Variants in ATP1B4 observed in about 807,000 individuals in gnomAD.
The protein encoded by ATP1B4 is protein ATP1B4.
A neutral mutation model predicts 29.6 loss-of-function variants in ATP1B4; 32 were observed. The ratio of observed to expected loss-of-function variants is 1.08; its 90% CI spans 0.82 to 1.45. The LOEUF is 1.45. ATP1B4 is among the 40% of genes most tolerant of loss of function. The pLI, the probability that ATP1B4 is intolerant of heterozygous loss-of-function variation, is 0.00. For synonymous variants in ATP1B4, 127 were observed against 102.1 expected (o/e 1.24, Z -1.47); for missense variants, 323 against 276.2 (o/e 1.17, Z -1.20).
intron 1 of ATP1B4, among the ~76,000 whole-genome samples, chrX:120,363,836 C>T (rs749497695): frequency 1.8e-5 from 2 of 112,103 alleles, no homozygotes; most frequent in South Asian, 7.4e-4. Flanking sequence ...TAGGGATAAG[C>T]ATTCTCATTA....
Position 120,375,437 on chromosome X carries a change from G to T in ATP1B4, c.628G>T (p.Asp210Tyr). 8.3e-7 allele frequency: 1 copy of T among 1,210,741 alleles called. No individual in the cohort carries two copies. Among genetic ancestry groups the T allele is most frequent in the Non-Finnish European group, 1.1e-6 (1 of 894,663 alleles). Reference protein sequence around the residue: ...DCPPGQYFIQDGNEDEDKKAC... With the variant: ...DCPPGQYFIQYGNEDEDKKAC... ...TCCCCCGGGGCAGTACTTCATCCAA[G>T]ATGGCAATGAGGATGAGGACAAGAA... is the stretch of plus-strand genomic sequence containing the variant. The change falls in exon 5 of 8, where the codon GAT (aspartate) becomes TAT (tyrosine). Residue 210 changes from aspartate (D) to tyrosine (Y), a missense_variant. Transcript: ENST00000218008.
intron 2 of ATP1B4, among the ~76,000 whole-genome samples, chrX:120,368,362 C>T (rs1602502209): frequency 8.9e-6 from 1 of 112,037 alleles, no homozygotes; most frequent in South Asian, 3.7e-4. Flanking sequence ...AAGGTGCCCG[C>T]TTGTGCACTT....
chrX:120,375,777 C>A (rs5910849), intron 5 of ATP1B4, among the ~76,000 whole-genome samples: 40,008 of 106,711 alleles, frequency 0.37, 6,492 homozygotes, highest in Middle Eastern at 0.52. Context: ...TCTCCCTCAC[C>A]CCCAAACCTG....
intron 4 of ATP1B4, among the ~76,000 whole-genome samples, chrX:120,375,168 C>G (rs1406473322): frequency 9.1e-6 from 1 of 109,924 alleles, no homozygotes; most frequent in Non-Finnish European, 1.9e-5. Flanking sequence ...GCTGAAGTGA[C>G]TAGTCAGGAA....
rs376194320 is a variant in ATP1B4 at position 120,366,533 on chromosome X, G to A, written c.72G>A (p.Pro24=). The A allele has an allele frequency of 4.6e-5, 56 of 1,205,278 alleles. No individual in the cohort carries two copies. Among genetic ancestry groups the A allele is most frequent in the African/African-American group, 2.6e-4 (15 of 56,616 alleles). ...TTTTGTCACTGTTCCAGGATGATCC[G>A]GATGAAGCGAACCAGAACTACTTAG... is the stretch of plus-strand genomic sequence containing the variant. ...PYSYRYRLDD[P]DEANQNYLAD... Residue 24 remains proline, a synonymous_variant, in exon 2 of 8, where the codon CCG becomes CCA. Coordinates refer to ENST00000218008, the MANE Select transcript of ATP1B4 (RefSeq NM_001142447.3).
intron 6 of ATP1B4, 45 bp downstream of exon 6, chrX:120,376,481 T>G (rs778880390): frequency 1.8e-6 from 2 of 1,100,898 alleles, no homozygotes; most frequent in South Asian, 1.9e-5. Context: ...ATCTGTTTCA[T>G]GCAAAAAGGT....
chrX:120,375,607 G>C, intron 5 of ATP1B4, 39 bp downstream of exon 5: 1 of 1,113,622 alleles, frequency 9.0e-7, no homozygotes, highest in Non-Finnish European at 1.2e-6. Flanking sequence ...ATAAGCGAAT[G>C]AACTAGATAG....
intron 1 of ATP1B4, among the ~76,000 whole-genome samples, chrX:120,364,695 G>T (rs1157221731): frequency 8.9e-6 from 1 of 112,093 alleles, no homozygotes; most frequent in East Asian, 2.8e-4. Context: ...AGCCATCCTT[G>T]ATTATAATAA....
chrX:120,368,670 G>A (rs2058298141), intron 2 of ATP1B4, among the ~76,000 whole-genome samples: 1 of 111,824 alleles, frequency 8.9e-6, no homozygotes, highest in Non-Finnish European at 1.9e-5. Context: ...TCTTTTGCCA[G>A]AACACTGCCC....
chrX:120,374,874 A>G (rs780372706), intron 4 of ATP1B4, among the ~76,000 whole-genome samples: 227 of 86,113 alleles, frequency 2.6e-3, no homozygotes, highest in Non-Finnish European at 4.1e-3. Flanking sequence ...AAGGGTATAT[A>G]TAAGGGTATA....
At chrX:120,371,348 C>T (rs1210333435) in intron 4 of ATP1B4, 138 bp downstream of exon 4, 2 of 473,395 alleles carry the variant, frequency 4.2e-6, no homozygotes, top group East Asian at 3.7e-5. Context: ...CTTTGCATCC[C>T]CCTTAGCACC....
chrX:120,366,285 A>T (rs142142532), intron 1 of ATP1B4, among the ~76,000 whole-genome samples: 2 of 111,863 alleles, frequency 1.8e-5, no homozygotes, highest in East Asian at 5.6e-4. Flanking sequence ...GAAGCTGAGA[A>T]TAAAACTTGC....
At chrX:120,376,343 G>C (rs760038707) in intron 5 of ATP1B4, 37 bp from the exon 6 acceptor site, 3 of 1,186,250 alleles carry the variant, frequency 2.5e-6, no homozygotes, top group Admixed American at 2.2e-5. Context: ...AATATGTTTT[G>C]TTAAAAAAAA....
At position 120,366,802 on chromosome X, in the gene ATP1B4, A is replaced by C; in HGVS notation, c.328+13A>C. ...GGTCAGAGTTGGAGTAAGTCCCAAT[A>C]GTCCCAATGCCAAAGTCTGGTGTCC... On this transcript the variant is annotated intron_variant, in intron 2 of 7. Transcript: ENST00000218008. 8.3e-7 allele frequency: 1 copy of C among 1,201,709 alleles called. No homozygotes were observed. The highest frequency in any genetic ancestry group is 1.1e-6 in the Non-Finnish European group (1 of 888,146).
chrX:120,369,615 AAG>A (rs775767787), intron 2 of ATP1B4, among the ~76,000 whole-genome samples: 1 of 111,965 alleles, frequency 8.9e-6, no homozygotes, highest in Admixed American at 9.5e-5. Flanking sequence ...AGGGCTTGAA[AAG>A]AGTTTCTCAT....
intron 1 of ATP1B4, among the ~76,000 whole-genome samples, chrX:120,365,323 T>G (rs769920516): frequency 8.9e-6 from 1 of 112,567 alleles, no homozygotes; most frequent in East Asian, 2.8e-4. Context: ...AGCTAGATAG[T>G]GCTGTGCAGA....
intron 6 of ATP1B4, among the ~76,000 whole-genome samples, chrX:120,377,433 T>C (rs746546652): frequency 8.9e-6 from 1 of 112,512 alleles, no homozygotes; most frequent in East Asian, 2.8e-4. Flanking sequence ...CTCATGTATA[T>C]GTGTAAATAT....
intron 6 of ATP1B4, 116 bp downstream of exon 6, chrX:120,376,552 C>G (rs2058357306): frequency 1.7e-6 from 1 of 602,646 alleles, no homozygotes; most frequent in Admixed American, 2.9e-5. Context: ...TTAATCTTTT[C>G]ATAACTACAC....
intron 1 of ATP1B4, among the ~76,000 whole-genome samples, chrX:120,364,000 G>T (rs779109315): frequency 8.1e-4 from 90 of 111,419 alleles, no homozygotes; most frequent in Non-Finnish European, 1.5e-3. Flanking sequence ...AAGATTCGAG[G>T]TTCCTAAAGT....
Sources: allele counts gnomAD v4.1 joint callset (sites outside exome capture counted in the v4.1 genomes callset), GRCh38; gene constraint gnomAD v4.1.1; transcripts MANE v1.5; gene names NCBI Gene and HGNC (gene_info 2026-07-23, HGNC 2026-07-21).